VWDE: variants seen among roughly 807,000 people sequenced by gnomAD.
VWDE encodes von Willebrand factor D and EGF domains.
A neutral mutation model predicts 178.4 loss-of-function variants in VWDE; 207 were observed. That is an observed-to-expected ratio of 1.16 (90% CI 1.04 to 1.30). The LOEUF (loss-of-function observed/expected upper bound fraction) is 1.30. Ranked by LOEUF, VWDE falls within the 50% of genes most tolerant of loss-of-function variation. The probability of loss-of-function intolerance (pLI) is 0.00; values close to 1 mark genes in which losing one functional copy is unlikely to be tolerated. For missense variants in VWDE, 2,287 were observed against 1,901.3 expected, an observed-to-expected ratio of 1.20 and a Z score of -3.77; for synonymous variants, 738 against 651.4, an observed-to-expected ratio of 1.13 and a Z score of -2.02.
intron 17 of VWDE, among the ~76,000 whole-genome samples, chr7:12,356,631 A>G (rs1782267639): frequency 6.6e-6 from 1 of 152,208 alleles, no homozygotes; most frequent in South Asian, 2.1e-4. Context: ...AAAAATCATT[A>G]AAGTGGAAAG....
Position 12,337,332 on chromosome 7 carries a change from C to T in VWDE, c.4367-60G>A, listed in dbSNP as rs531840681. The T allele has an allele frequency of 3.4e-5, 46 of 1,339,752 alleles. No homozygotes were observed. The South Asian group carries it at 5.0e-4, about 15-fold the overall frequency. 83.0% of individuals were successfully genotyped at this position (1,339,752 alleles called of 1,614,324 possible). On this transcript the variant is annotated intron_variant, in intron 24 of 28. Transcript: ENST00000275358. ...ACACATCCCATTACTACATATGATA[C>T]ATTGCATCATGTGCTTGTCATCAAT...
chr7:12,350,328 T>A (rs982095187), intron 19 of VWDE, among the ~76,000 whole-genome samples: 3 of 152,080 alleles, frequency 2.0e-5, no homozygotes, highest in Admixed American at 2.0e-4. Context: ...TATGCATTAA[T>A]TACTGATTTT....
chr7:12,384,334 CTG>C (rs1341076429), intron 3 of VWDE, among the ~76,000 whole-genome samples: 6 of 151,852 alleles, frequency 4.0e-5, no homozygotes, highest in Non-Finnish European at 1.5e-5. Flanking sequence ...CTGTGGTTGT[CTG>C]GGGTTGAGAG....
At chr7:12,346,914 A>G (rs967142441) in intron 19 of VWDE, among the ~76,000 whole-genome samples, 1 of 152,164 alleles carries the variant, frequency 6.6e-6, no homozygotes, top group African/African-American at 2.4e-5. Flanking sequence ...ACAGAAGAAA[A>G]TGAACCAAAA....
intron 1 of VWDE, among the ~76,000 whole-genome samples, chr7:12,400,891 C>T (rs1361131681): frequency 6.6e-6 from 1 of 152,026 alleles, no homozygotes; most frequent in Non-Finnish European, 1.5e-5. Flanking sequence ...TCCAGGAAAA[C>T]AAGGTTGGTT....
chr7:12,353,641 AT>A (rs67559494), intron 18 of VWDE, among the ~76,000 whole-genome samples: 132,188 of 152,034 alleles, frequency 0.87, 57,657 homozygotes, highest in Admixed American at 0.9. Context: ...TATTTGAAGT[AT>A]TTTCTTAACT....
In VWDE at chr7:12,351,693, G is replaced by T. The variant is rs6967385; in HGVS notation, c.3766C>A (p.Gln1256Lys). The T allele has an allele frequency of 0.44, 677,601 of 1,541,554 alleles. 158,731 individuals carry two copies. The highest frequency in any genetic ancestry group is 0.87 in the African/African-American group (63,009 of 72,642). Residue 1256 changes from glutamine to lysine, a missense_variant, in exon 19 of 29, where the codon CAA becomes AAA. Gln to Lys is a moderately conservative substitution (Grantham distance 53). Coordinates refer to ENST00000275358, the MANE Select transcript of VWDE (RefSeq NM_001135924.3). ...AGAACCACAGTTTGTGTAGTAAATT[G>T]ATTTACAAACTGTGTTTCAACTGTA... is the stretch of plus-strand genomic sequence containing the variant. The part of the protein sequence containing the change: ...ELKVETQFVN[Q>K]FTTQTVVLTR...
In VWDE at chr7:12,331,089, T is replaced by C. The variant is rs1289919478; in HGVS notation, c.*94A>G. 8.7e-6 allele frequency: 8 copies of C among 923,850 alleles called. No homozygotes were observed. In the East Asian group the frequency reaches 2.2e-4, roughly 25 times the overall value. The allele number at this position is 923,850 out of a possible 1,614,324, so 57.2% of individuals were successfully genotyped here. A position where few individuals can be genotyped will look rare whatever the true frequency, so the allele number is the denominator to read the frequency against. ...AGTCTTTAAGATATTTTTTGAATGA[T>C]GTTCAAATAAACTCCAAGTTATCTC... On this transcript the variant is annotated 3_prime_UTR_variant, in exon 29 of 29. Coordinates refer to ENST00000275358, the MANE Select transcript of VWDE (RefSeq NM_001135924.3).
At chr7:12,388,850 A>T in intron 3 of VWDE, 2 of 588,116 alleles carry the variant, frequency 3.4e-6, no homozygotes, top group East Asian at 7.5e-5. Flanking sequence ...ACTTGAGGAA[A>T]CCAAAGAATT....
chr7:12,384,824 G>A (rs911008924), intron 3 of VWDE, among the ~76,000 whole-genome samples: 2 of 152,032 alleles, frequency 1.3e-5, no homozygotes, highest in African/African-American at 4.8e-5. Context: ...ACAAAGGTAG[G>A]CTCATCAGAT....
chr7:12,363,523 G>T (rs1017328424), intron 13 of VWDE, among the ~76,000 whole-genome samples: 34 of 151,966 alleles, frequency 2.2e-4, no homozygotes, highest in African/African-American at 8.0e-4. Flanking sequence ...TCTAGCTAAA[G>T]ACTTGCTTAA....
At chr7:12,355,523 C>G (rs1782192807) in intron 18 of VWDE, among the ~76,000 whole-genome samples, 2 of 151,788 alleles carry the variant, frequency 1.3e-5, no homozygotes, top group Admixed American at 1.3e-4. Context: ...AGCTCATTAA[C>G]TATATATTTA....
At position 12,370,943 on chromosome 7, in the gene VWDE, A is replaced by C. The variant is rs117904753; in HGVS notation, c.1588-79T>G. 1,585 of 1,102,380 alleles carry C rather than the reference A, an allele frequency of 1.4e-3. 23 individuals carry two copies. In the East Asian group the frequency reaches 0.033, roughly 23 times the overall value. 68.3% of individuals were successfully genotyped at this position (1,102,380 alleles called of 1,614,324 possible). On this transcript the variant is annotated intron_variant, in intron 10 of 28. Coordinates refer to ENST00000275358, the MANE Select transcript of VWDE (RefSeq NM_001135924.3). ...TGGATTAAGAAAAATCTATTATTTA[A>C]AAAATAAGAAATAGTTATTCCCTCA... is the stretch of plus-strand genomic sequence containing the variant.
At chr7:12,391,555 A>G (rs902566962) in intron 2 of VWDE, among the ~76,000 whole-genome samples, 1 of 152,214 alleles carries the variant, frequency 6.6e-6, no homozygotes, top group Non-Finnish European at 1.5e-5. Flanking sequence ...ATATTTTTAA[A>G]TGTGGTGAAG....
intron 1 of VWDE, among the ~76,000 whole-genome samples, chr7:12,402,855 G>A (rs1359565089): frequency 6.6e-6 from 1 of 152,102 alleles, no homozygotes; most frequent in African/African-American, 2.4e-5. Context: ...ACCCTGGACT[G>A]CTATAAATGT....
intron 22 of VWDE, among the ~76,000 whole-genome samples, chr7:12,342,411 G>T (rs916669549): frequency 1.3e-5 from 2 of 151,886 alleles, no homozygotes; most frequent in African/African-American, 4.8e-5. Context: ...TTGGCTATTT[G>T]GGAAAATTAT....
At chr7:12,348,013 C>G (rs960696520) in intron 19 of VWDE, among the ~76,000 whole-genome samples, 12 of 152,156 alleles carry the variant, frequency 7.9e-5, no homozygotes, top group African/African-American at 2.9e-4. Context: ...GGAAAACTGG[C>G]TAGCCATATG....
At chr7:12,356,444 T>G in intron 17 of VWDE, 114 bp from the exon 18 acceptor site, 1 of 698,914 alleles carries the variant, frequency 1.4e-6, no homozygotes. Flanking sequence ...CCAAATCACT[T>G]ATATTTGATA....
chr7:12,334,509 C>A (rs1780907771), intron 27 of VWDE, among the ~76,000 whole-genome samples: 1 of 152,122 alleles, frequency 6.6e-6, no homozygotes, highest in East Asian at 1.9e-4. Flanking sequence ...TCCACGAGGG[C>A]TCCACAGCTG....
Sources: gnomAD v4.1 joint callset for allele counts (sites outside exome capture counted in the v4.1 genomes callset) on GRCh38, gnomAD v4.1.1 for gene constraint, MANE v1.5 for transcripts, NCBI Gene and HGNC (gene_info 2026-07-23, HGNC 2026-07-21) for gene names.